The following NRG1 variants were observed in gnomAD, a reference collection of about 807,000 sequenced individuals.
NRG1 encodes pro-neuregulin-1, membrane-bound isoform.
Under a neutral mutation model 63.8 loss-of-function variants are expected in NRG1, and 18 were observed. The ratio of observed to expected loss-of-function variants is 0.28; its 90% CI spans 0.19 to 0.42. The LOEUF (loss-of-function observed/expected upper bound fraction) is 0.42. Ranked by LOEUF, NRG1 falls within the 10% of genes least tolerant of loss-of-function variation. The pLI is 1.00. For synonymous variants in NRG1, 302 were observed against 301.3 expected (o/e 1.00, Z -0.02); for missense variants, 762 against 814.7 (o/e 0.94, Z 0.79).
chr8:32,591,297 A>G (rs1004440947), intron 1 of NRG1, among the ~76,000 whole-genome samples: 9 of 152,152 alleles, frequency 5.9e-5, no homozygotes, highest in African/African-American at 7.2e-5. Flanking sequence ...ATGATTTTGG[A>G]ACTATGTGCA....
chr8:31,952,385 G>C (rs1311930998), intron 1 of NRG1, among the ~76,000 whole-genome samples: 6 of 152,130 alleles, frequency 3.9e-5, no homozygotes, highest in Non-Finnish European at 8.8e-5. Flanking sequence ...GACCAAGAAG[G>C]CTTCAGAGAA....
At chr8:31,904,306 G>A (rs1265560556) in intron 1 of NRG1, among the ~76,000 whole-genome samples, 1 of 152,156 alleles carries the variant, frequency 6.6e-6, no homozygotes, top group African/African-American at 2.4e-5. Context: ...GAGTTAGAGA[G>A]TAGCTATCGC....
At chr8:32,184,016 G>A (rs1259521482) in intron 1 of NRG1, among the ~76,000 whole-genome samples, 4 of 152,088 alleles carry the variant, frequency 2.6e-5, no homozygotes, top group Non-Finnish European at 5.9e-5. Context: ...GAATGTGATA[G>A]AATCTTGGAA....
intron 1 of NRG1, among the ~76,000 whole-genome samples, chr8:32,351,977 T>G (rs1805662962): frequency 6.6e-6 from 1 of 151,458 alleles, no homozygotes; most frequent in Non-Finnish European, 1.5e-5. Flanking sequence ...GTTAAAGAAG[T>G]GCTTCAGCTC....
rs543148526 is a variant in NRG1 at position 32,154,851 on chromosome 8, G to T, written c.38-440977G>T. Among the ~76,000 whole-genome samples, 743 of 152,266 alleles carry T rather than the reference G, an allele frequency of 4.9e-3. 8 individuals are homozygous for T. The highest frequency in any genetic ancestry group is 7.4e-3 in the Non-Finnish European group (506 of 68,022). On this transcript the variant is annotated intron_variant, in intron 1 of 10. Coordinates refer to the NRG1 transcript ENST00000519301. ...GGATTATTTTCACAAGTCCAGCAAG[G>T]ATACTTGGATGTTGGGGGAATCATT...
intron 1 of NRG1, among the ~76,000 whole-genome samples, chr8:32,444,386 C>T (rs1411537200): frequency 6.6e-6 from 1 of 152,120 alleles, no homozygotes; most frequent in Non-Finnish European, 1.5e-5. Flanking sequence ...GCAGTCCTCC[C>T]ACTGCAACCT....
At chr8:32,681,412 ATTCT>A (rs768355114) in intron 5 of NRG1, among the ~76,000 whole-genome samples, 26 of 152,238 alleles carry the variant, frequency 1.7e-4, no homozygotes, top group South Asian at 1.7e-3. Flanking sequence ...GAAATTCATT[ATTCT>A]TTATTAACTC....
chr8:31,981,779 A>G (rs928265621), intron 1 of NRG1, among the ~76,000 whole-genome samples: 4 of 151,984 alleles, frequency 2.6e-5, no homozygotes, highest in African/African-American at 9.7e-5. Context: ...GATGCAGATA[A>G]TAATCAATCA....
At chr8:31,688,302 G>C (rs1809118650) in intron 1 of NRG1, among the ~76,000 whole-genome samples, 1 of 152,116 alleles carries the variant, frequency 6.6e-6, no homozygotes. Context: ...CTCATGATTG[G>C]ATTAGTGCCC....
intron 1 of NRG1, among the ~76,000 whole-genome samples, chr8:32,589,588 C>T (rs913515792): frequency 1.3e-5 from 2 of 152,218 alleles, no homozygotes; most frequent in Non-Finnish European, 2.9e-5. Flanking sequence ...ATTAGCTGCA[C>T]AAACGTGGAG....
intron 5 of NRG1, among the ~76,000 whole-genome samples, chr8:32,661,432 T>G (rs1427131677): frequency 6.6e-6 from 1 of 152,178 alleles, no homozygotes; most frequent in East Asian, 1.9e-4. Flanking sequence ...CTCAGTGTTA[T>G]TAAACAAGAT....
At chr8:32,151,450 A>G (rs925364905) in intron 1 of NRG1, among the ~76,000 whole-genome samples, 4 of 152,122 alleles carry the variant, frequency 2.6e-5, no homozygotes, top group African/African-American at 9.7e-5. Context: ...AGCAAAAGGC[A>G]GGTGTGAATT....
At chr8:31,639,545 G>T in intron 1 of NRG1, 1 of 1,462,010 alleles carries the variant, frequency 6.8e-7, no homozygotes, top group Non-Finnish European at 9.1e-7. Context: ...CCAGCCGCTT[G>T]CTCGCAGCCC....
chr8:32,558,953 G>T (rs1035977903), intron 1 of NRG1, among the ~76,000 whole-genome samples: 9 of 151,776 alleles, frequency 5.9e-5, no homozygotes, highest in Non-Finnish European at 1.0e-4. Context: ...GGTGGCATGT[G>T]CCTGTGGTCC....
intron 1 of NRG1, among the ~76,000 whole-genome samples, chr8:31,827,963 A>G (rs1393952): frequency 0.77 from 116,574 of 152,158 alleles, 45,005 homozygotes; most frequent in East Asian, 0.99. Flanking sequence ...TGTGTCCCAG[A>G]GGGATCTGTC....
At chr8:32,622,660 G>A (rs370934703) in intron 5 of NRG1, among the ~76,000 whole-genome samples, 10 of 152,128 alleles carry the variant, frequency 6.6e-5, no homozygotes, top group South Asian at 2.1e-4. Context: ...CTACCAAAGC[G>A]TTGGAATTGC....
chr8:31,663,854 G>A (rs1222521859), intron 1 of NRG1, among the ~76,000 whole-genome samples: 1 of 152,010 alleles, frequency 6.6e-6, no homozygotes, highest in Non-Finnish European at 1.5e-5. Flanking sequence ...GGAGGGTGCT[G>A]CAGTTTGCTA....
At chr8:32,014,815 G>A (rs1255713073) in intron 1 of NRG1, among the ~76,000 whole-genome samples, 1 of 151,734 alleles carries the variant, frequency 6.6e-6, no homozygotes, top group Non-Finnish European at 1.5e-5. Context: ...TTAAGATGAG[G>A]TGATTAGGAT....
intron 1 of NRG1, among the ~76,000 whole-genome samples, chr8:32,242,094 T>C (rs544411378): frequency 6.6e-6 from 1 of 152,264 alleles, no homozygotes; most frequent in East Asian, 1.9e-4. Flanking sequence ...AAGTCTTAAT[T>C]TGACCAACAA....
Sources: gnomAD v4.1 joint callset for allele counts (sites outside exome capture counted in the v4.1 genomes callset) on GRCh38, gnomAD v4.1.1 for gene constraint, MANE v1.5 for transcripts, NCBI Gene and HGNC (gene_info 2026-07-23, HGNC 2026-07-21) for gene names.